The following L3MBTL4 variants were observed in gnomAD, a reference collection of about 807,000 sequenced individuals.
L3MBTL4 encodes the protein lethal(3)malignant brain tumor-like protein 4.
Under a neutral mutation model 84.5 loss-of-function variants are expected in L3MBTL4, and 70 were observed. That is an observed-to-expected ratio of 0.83 (90% CI 0.68 to 1.01). The LOEUF (loss-of-function observed/expected upper bound fraction) is 1.01. Among genes scored for constraint, L3MBTL4 ranks in the 50% least tolerant of loss-of-function variants. The probability of loss-of-function intolerance (pLI) is 0.00; values close to 1 mark genes in which losing one functional copy is unlikely to be tolerated. For synonymous variants in L3MBTL4, 274 were observed against 259.8 expected (o/e 1.05, Z -0.52); for missense variants, 715 against 754.8 (o/e 0.95, Z 0.62).
intron 14 of L3MBTL4, among the ~76,000 whole-genome samples, chr18:6,133,712 C>G (rs1449303374): frequency 1.3e-5 from 2 of 152,116 alleles, no homozygotes; most frequent in Non-Finnish European, 2.9e-5. Context: ...GACTGTCTCT[C>G]TAAAATAATA....
At chr18:6,318,600 C>T (rs1197614310) in intron 1 of L3MBTL4, among the ~76,000 whole-genome samples, 2 of 150,028 alleles carry the variant, frequency 1.3e-5, no homozygotes, top group African/African-American at 4.9e-5. Flanking sequence ...ATTTACATGC[C>T]CCTAACTCTG....
At chr18:6,339,276 TTTAA>T (rs1406780400) in intron 1 of L3MBTL4, among the ~76,000 whole-genome samples, 1 of 152,132 alleles carries the variant, frequency 6.6e-6, no homozygotes, top group African/African-American at 2.4e-5. Flanking sequence ...TTCAAAAAAG[TTTAA>T]TTATAGTCAC....
chr18:6,181,586 T>A (rs1398417835), intron 12 of L3MBTL4, among the ~76,000 whole-genome samples: 1 of 152,140 alleles, frequency 6.6e-6, no homozygotes, highest in Admixed American at 6.5e-5. Flanking sequence ...CACCTTGGCC[T>A]CTCAAAGTGC....
At chr18:6,330,674 TA>T (rs1333660833) in intron 1 of L3MBTL4, among the ~76,000 whole-genome samples, 14 of 152,280 alleles carry the variant, frequency 9.2e-5, no homozygotes, top group Non-Finnish European at 1.9e-4. Context: ...AGGAGCAGGA[TA>T]TCGACATCTT....
chr18:5,997,351 A>G (rs1176593347), intron 16 of L3MBTL4, among the ~76,000 whole-genome samples: 1 of 142,108 alleles, frequency 7.0e-6, no homozygotes, highest in Admixed American at 6.8e-5. Flanking sequence ...CTTCCTCACA[A>G]TTTGCCCATC....
Position 6,128,696 on chromosome 18 carries a change from C to T in L3MBTL4, c.1199+9498G>A, listed in dbSNP as rs573628432. ...TAGTTAGAAAAGTAACTCCCTCGCA[C>T]AAACTCTGTCCCAAAAAGTCAGGAA... On this transcript the variant is annotated intron_variant, in intron 14 of 18. Coordinates refer to ENST00000317931, the MANE Select transcript of L3MBTL4 (RefSeq NM_001330559.2). Among the ~76,000 whole-genome samples, 4 of 152,230 alleles carry T rather than the reference C, an allele frequency of 2.6e-5. No homozygotes were observed. In the East Asian group the frequency reaches 7.7e-4, roughly 29 times the overall value.
chr18:6,121,478 A>G (rs1289056873), intron 14 of L3MBTL4, among the ~76,000 whole-genome samples: 1 of 152,206 alleles, frequency 6.6e-6, no homozygotes, highest in Non-Finnish European at 1.5e-5. Flanking sequence ...AATGAGATGA[A>G]GGGATAATTA....
intron 1 of L3MBTL4, among the ~76,000 whole-genome samples, chr18:6,338,820 A>G (rs111527364): frequency 1.3e-5 from 2 of 152,284 alleles, no homozygotes; most frequent in Non-Finnish European, 2.9e-5. Flanking sequence ...ATACCATGAA[A>G]AAAACTAACT....
At chr18:6,226,004 G>A (rs887524184) in intron 10 of L3MBTL4, among the ~76,000 whole-genome samples, 3 of 152,078 alleles carry the variant, frequency 2.0e-5, no homozygotes, top group African/African-American at 7.2e-5. Context: ...CAGAGAGAAG[G>A]AACATAACAC....
At chr18:6,049,552 C>A (rs58503971) in intron 16 of L3MBTL4, among the ~76,000 whole-genome samples, 11,761 of 152,222 alleles carry the variant, frequency 0.077, 1,161 homozygotes, top group East Asian at 0.54. Context: ...AAAATGAAAT[C>A]ATATCTTTTG....
chr18:6,021,645 G>A (rs959725344), intron 16 of L3MBTL4, among the ~76,000 whole-genome samples: 2 of 152,318 alleles, frequency 1.3e-5, no homozygotes, highest in South Asian at 4.1e-4. Flanking sequence ...GTGCGCAAAA[G>A]GGAAGACACT....
chr18:6,261,775 T>G (rs2048411427), intron 5 of L3MBTL4, among the ~76,000 whole-genome samples: 1 of 152,182 alleles, frequency 6.6e-6, no homozygotes, highest in South Asian at 2.1e-4. Flanking sequence ...CTCTGGCTGA[T>G]GGGGCTTAAA....
chr18:6,132,261 C>T (rs931863056), intron 14 of L3MBTL4, among the ~76,000 whole-genome samples: 6 of 152,124 alleles, frequency 3.9e-5, no homozygotes, highest in Admixed American at 3.3e-4. Flanking sequence ...CTTTATAAAA[C>T]GCAAGGTCGA....
intron 16 of L3MBTL4, among the ~76,000 whole-genome samples, chr18:6,058,131 C>A (rs2057088716): frequency 2.0e-5 from 3 of 152,138 alleles, no homozygotes; most frequent in Admixed American, 2.0e-4. Context: ...GACATCAAAT[C>A]CTGATTCTTC....
intron 13 of L3MBTL4, among the ~76,000 whole-genome samples, chr18:6,142,585 A>C (rs1038010307): frequency 6.6e-6 from 1 of 151,518 alleles, no homozygotes; most frequent in Non-Finnish European, 1.5e-5. Context: ...AGCTTTTTTT[A>C]AAAAAACAAC....
At chr18:6,156,631 C>A (rs1453982810) in intron 13 of L3MBTL4, among the ~76,000 whole-genome samples, 11 of 152,296 alleles carry the variant, frequency 7.2e-5, no homozygotes, top group African/African-American at 2.6e-4. Flanking sequence ...ACTCAACGTC[C>A]ATATGCTGAC....
chr18:6,222,949 T>TTATATAATATAATATAA (rs1555694507), intron 10 of L3MBTL4, among the ~76,000 whole-genome samples: 231 of 145,640 alleles, frequency 1.6e-3, no homozygotes, highest in African/African-American at 5.5e-3. Flanking sequence ...AATTTTTCTA[T>TTATATAATATAATATAA]TATAATATAA....
At chr18:6,131,845 C>T (rs146064345) in intron 14 of L3MBTL4, among the ~76,000 whole-genome samples, 1 of 152,206 alleles carries the variant, frequency 6.6e-6, no homozygotes, top group Non-Finnish European at 1.5e-5. Context: ...TAAATTTAGA[C>T]TATGACAGCA....
intron 15 of L3MBTL4, among the ~76,000 whole-genome samples, chr18:6,086,728 C>T (rs1480348682): frequency 3.9e-5 from 6 of 152,168 alleles, no homozygotes; most frequent in South Asian, 2.1e-4. Context: ...CTTTCTACTC[C>T]GCATTACTTC....
Sources: gnomAD v4.1 joint callset for allele counts (sites outside exome capture counted in the v4.1 genomes callset) on GRCh38, gnomAD v4.1.1 for gene constraint, MANE v1.5 for transcripts, NCBI Gene and HGNC (gene_info 2026-07-23, HGNC 2026-07-21) for gene names.